CACNA1E: variants seen among roughly 807,000 people sequenced by gnomAD.
The protein encoded by CACNA1E is calcium voltage-gated channel subunit alpha1 E, also known as voltage-dependent R-type calcium channel subunit alpha-1E.
Under a neutral mutation model 259.2 loss-of-function variants are expected in CACNA1E, and 40 were observed. The ratio of observed to expected loss-of-function variants is 0.15; its 90% CI spans 0.12 to 0.20. The LOEUF is 0.20. Among genes scored for constraint, CACNA1E ranks in the 10% least tolerant of loss-of-function variants. The pLI is 1.00. For missense variants in CACNA1E, 1,874 were observed against 3,040.1 expected (o/e 0.62, Z 9.02); for synonymous variants, 1,104 against 1,138.5 (o/e 0.97, Z 0.61).
chr1:181,564,253 G>T (rs769177133), intron 3 of CACNA1E, among the ~76,000 whole-genome samples: 2 of 152,152 alleles, frequency 1.3e-5, no homozygotes, highest in Non-Finnish European at 2.9e-5. Context: ...CAAAATTGGA[G>T]TCAATTCTCT....
At chr1:181,324,301 G>GGGT (rs1203215043) in intron 1 of CACNA1E, among the ~76,000 whole-genome samples, 1 of 152,214 alleles carries the variant, frequency 6.6e-6, no homozygotes. Context: ...AATTAATAGA[G>GGGT]GGTGATGTGG....
At chr1:181,582,809 C>T (rs1464435167) in intron 6 of CACNA1E, among the ~76,000 whole-genome samples, 2 of 152,100 alleles carry the variant, frequency 1.3e-5, no homozygotes, top group Admixed American at 1.3e-4. Context: ...ACCTGTCAAC[C>T]ACAGGTTTAG....
rs74127817 is a variant in CACNA1E at position 181,667,213 on chromosome 1, C to A, written c.1055+15772C>A. 4.1e-3 allele frequency among the ~76,000 whole-genome samples: 627 copies of A among 152,090 alleles called. 6 individuals are homozygous for A. Among genetic ancestry groups the A allele is most frequent in the African/African-American group, 0.014 (598 of 41,510 alleles). The stretch of plus-strand genomic sequence containing the variant: ...ATAAGATTGTAATAAAGCTCTAGTT[C>A]CAGACAGAAAATGAGGATTTCAAGC... On this transcript the variant is annotated intron_variant, in intron 7 of 47. Transcript: ENST00000367573.
chr1:181,464,675 T>C lies in CACNA1E; in HGVS notation c.435-19069T>C, dbSNP rs551437167. 7.2e-5 allele frequency among the ~76,000 whole-genome samples: 11 copies of C among 151,966 alleles called. No individual in the cohort carries two copies. The East Asian group carries it at 1.7e-3, about 24-fold the overall frequency. ...TCACCTGTGAATAATGATAACTTTG[T>C]TTTTTCCTTTATAATCCATATGCCT... is the stretch of plus-strand genomic sequence containing the variant. On this transcript the variant is annotated intron_variant, in intron 2 of 11. Coordinates refer to the CACNA1E transcript ENST00000524607.
chr1:181,652,559 T>C (rs1298407031), intron 7 of CACNA1E, among the ~76,000 whole-genome samples: 1 of 152,142 alleles, frequency 6.6e-6, no homozygotes, highest in Non-Finnish European at 1.5e-5. Context: ...GTTTAATTGT[T>C]TAGGGAATGC....
chr1:181,445,647 G>A (rs1660747145), intron 2 of CACNA1E, among the ~76,000 whole-genome samples: 1 of 152,242 alleles, frequency 6.6e-6, no homozygotes. Context: ...TAGCACACAA[G>A]GGCCTTGCCC....
At chr1:181,669,879 A>G (rs1572546719) in intron 7 of CACNA1E, among the ~76,000 whole-genome samples, 1 of 152,310 alleles carries the variant, frequency 6.6e-6, no homozygotes, top group East Asian at 1.9e-4. Flanking sequence ...TCTCCATTAC[A>G]TCGAGAAAGA....
At chr1:181,731,841 C>T (rs1655510113) in intron 19 of CACNA1E, among the ~76,000 whole-genome samples, 1 of 151,998 alleles carries the variant, frequency 6.6e-6, no homozygotes, top group East Asian at 1.9e-4. Flanking sequence ...AGCACTCTTA[C>T]TTTTGAGGGT....
chr1:181,539,992 C>G (rs1415550752), intron 3 of CACNA1E, among the ~76,000 whole-genome samples: 2 of 152,132 alleles, frequency 1.3e-5, no homozygotes, highest in Non-Finnish European at 2.9e-5. Flanking sequence ...TATTTAGGTC[C>G]TCTTTGGTCT....
intron 1 of CACNA1E, among the ~76,000 whole-genome samples, chr1:181,358,360 C>T (rs896670680): frequency 1.3e-5 from 2 of 152,156 alleles, no homozygotes; most frequent in East Asian, 1.9e-4. Flanking sequence ...TGCTTAAGAT[C>T]ACACACTCAG....
chr1:181,433,556 T>C (rs2102262133), intron 2 of CACNA1E, among the ~76,000 whole-genome samples: 1 of 152,338 alleles, frequency 6.6e-6, no homozygotes, highest in African/African-American at 2.4e-5. Context: ...TTGGGAAATA[T>C]AGGAGCTTAT....
intron 1 of CACNA1E, among the ~76,000 whole-genome samples, chr1:181,331,566 C>T (rs530016361): frequency 6.6e-5 from 10 of 152,266 alleles, no homozygotes; most frequent in East Asian, 1.9e-4. Context: ...ATTAAAGGTA[C>T]GCTTTCCCCA....
upstream of CACNA1E, among the ~76,000 whole-genome samples, chr1:181,479,110 G>A (rs1663061008): frequency 6.6e-6 from 1 of 152,198 alleles, no homozygotes. Context: ...AAAACATGTG[G>A]AGCATTTGGT....
intron 3 of CACNA1E, among the ~76,000 whole-genome samples, chr1:181,561,356 T>C (rs1649308111): frequency 6.6e-6 from 1 of 152,234 alleles, no homozygotes; most frequent in Non-Finnish European, 1.5e-5. Flanking sequence ...CAACTCTGTG[T>C]TTTGACAAAT....
At chr1:181,374,629 A>G (rs893388125) in intron 1 of CACNA1E, among the ~76,000 whole-genome samples, 7 of 152,026 alleles carry the variant, frequency 4.6e-5, no homozygotes, top group African/African-American at 1.2e-4. Context: ...TGCCTGGCTA[A>G]TTAAAAAAAT....
chr1:181,575,543 A>G (rs1004236225), intron 3 of CACNA1E, among the ~76,000 whole-genome samples: 1 of 151,802 alleles, frequency 6.6e-6, no homozygotes, highest in African/African-American at 2.4e-5. Flanking sequence ...TCCCCTCTAC[A>G]TTTGAGCCTT....
At chr1:181,393,940 C>T (rs1656474407) in intron 1 of CACNA1E, among the ~76,000 whole-genome samples, 1 of 152,198 alleles carries the variant, frequency 6.6e-6, no homozygotes, top group African/African-American at 2.4e-5. Context: ...GTGTGACTGT[C>T]AGCCACTGTG....
chr1:181,759,388 GGTGTGTCTGTGTGTGT>G (rs1658374783), intron 32 of CACNA1E, among the ~76,000 whole-genome samples: 2 of 122,620 alleles, frequency 1.6e-5, no homozygotes, highest in African/African-American at 6.2e-5. Context: ...ACCTTTAAGG[GGTGTGTCTGTGTGTGT>G]GTGTGTGTGT....
chr1:181,457,529 T>C (rs1571914641), intron 2 of CACNA1E, among the ~76,000 whole-genome samples: 1 of 152,334 alleles, frequency 6.6e-6, no homozygotes, highest in African/African-American at 2.4e-5. Context: ...GTCTGAGACA[T>C]TACTATGACT....
Sources: gnomAD v4.1 joint callset for allele counts (sites outside exome capture counted in the v4.1 genomes callset) on GRCh38, gnomAD v4.1.1 for gene constraint, MANE v1.5 for transcripts, NCBI Gene and HGNC (gene_info 2026-07-23, HGNC 2026-07-21) for gene names.